The following DLEU7 variants were observed in gnomAD, a reference collection of about 807,000 sequenced individuals.
DLEU7 encodes the protein deleted in lymphocytic leukemia 7.
In DLEU7, 17 loss-of-function variants were observed where a neutral mutation model predicts 16.0. That is an observed-to-expected ratio of 1.06 (90% CI 0.73 to 1.59). DLEU7 has a LOEUF of 1.59. Among genes scored for constraint, DLEU7 ranks in the 40% most tolerant of loss-of-function variants. The pLI, the probability that DLEU7 is intolerant of heterozygous loss-of-function variation, is 0.00. For missense variants in DLEU7, 308 were observed against 314.9 expected (o/e 0.98, Z 0.17); for synonymous variants, 113 against 139.8 (o/e 0.81, Z 1.35).
intron 1 of DLEU7, among the ~76,000 whole-genome samples, chr13:50,737,417 T>C (rs1319543544): frequency 6.6e-6 from 1 of 152,222 alleles, no homozygotes; most frequent in East Asian, 1.9e-4. Flanking sequence ...TTTACAAATT[T>C]AAGGTTTGTG....
At chr13:50,722,543 A>C (rs1023779700) in intron 1 of DLEU7, among the ~76,000 whole-genome samples, 5 of 152,246 alleles carry the variant, frequency 3.3e-5, no homozygotes, top group African/African-American at 1.2e-4. Context: ...TAAATTAAAA[A>C]AATTCACAAA....
intron 1 of DLEU7, among the ~76,000 whole-genome samples, chr13:50,758,190 T>C (rs915479548): frequency 1.3e-5 from 2 of 152,034 alleles, no homozygotes; most frequent in African/African-American, 4.8e-5. Flanking sequence ...TTAACCATAA[T>C]TGGAGCAAGC....
At chr13:50,756,748 T>C (rs1593544441) in intron 1 of DLEU7, among the ~76,000 whole-genome samples, 1 of 152,150 alleles carries the variant, frequency 6.6e-6, no homozygotes, top group African/African-American at 2.4e-5. Flanking sequence ...TCTTTCTGGG[T>C]TCAAATTTTT....
chr13:50,793,035 C>T (rs1377732123), intron 1 of DLEU7, among the ~76,000 whole-genome samples: 2 of 152,040 alleles, frequency 1.3e-5, no homozygotes, highest in Non-Finnish European at 2.9e-5. Context: ...TCCCTTCTTC[C>T]CATTTCTAGT....
At position 50,789,867 on chromosome 13, in the gene DLEU7, A is replaced by G. The variant is rs909732224; in HGVS notation, c.459+53321T>C. On this transcript the variant is annotated intron_variant, in intron 1 of 1. Transcript: ENST00000400393. ...TTAAGGTCTGATCAGGTAAACTGAA[A>G]CTAAACAGCAAGTCTTTCCACAAGT... Among the ~76,000 whole-genome samples, 65 of 152,126 alleles carry G rather than the reference A, an allele frequency of 4.3e-4. 1 individual carries two copies. Among genetic ancestry groups the G allele is most frequent in the Non-Finnish European group, 7.9e-4 (54 of 68,000 alleles).
intron 1 of DLEU7, among the ~76,000 whole-genome samples, chr13:50,801,865 T>G (rs1399894822): frequency 1.3e-5 from 2 of 152,116 alleles, no homozygotes; most frequent in East Asian, 3.9e-4. Context: ...ATTATTACCT[T>G]TTAAATGCCT....
chr13:50,764,229 A>C (rs1875032356), intron 1 of DLEU7, among the ~76,000 whole-genome samples: 1 of 152,260 alleles, frequency 6.6e-6, no homozygotes, highest in Non-Finnish European at 1.5e-5. Flanking sequence ...TTAAAGAGTT[A>C]ACACATTACA....
rs111693709 is a variant in DLEU7 at position 50,761,385 on chromosome 13, A to C, written c.460-48145T>G. ...GATTTGAGTGATCTGAATTTTATCA[A>C]AAGGGGTGGAGTGGAACAGTTAGGG... On this transcript the variant is annotated intron_variant, in intron 1 of 1. Coordinates refer to the DLEU7 transcript ENST00000400393. Among the ~76,000 whole-genome samples, 380 of 151,978 alleles carry C rather than the reference A, an allele frequency of 2.5e-3. 2 individuals are homozygous for C. Among genetic ancestry groups the C allele is most frequent in the Non-Finnish European group, 5.0e-3 (339 of 67,956 alleles).
chr13:50,780,498 CAG>C (rs1237936455), intron 1 of DLEU7, among the ~76,000 whole-genome samples: 1 of 152,188 alleles, frequency 6.6e-6, no homozygotes, highest in Non-Finnish European at 1.5e-5. Flanking sequence ...ATGTGGGAAT[CAG>C]ATTACAGCTA....
At chr13:50,805,234 G>A (rs1170246561) in intron 1 of DLEU7, among the ~76,000 whole-genome samples, 2 of 152,084 alleles carry the variant, frequency 1.3e-5, no homozygotes, top group South Asian at 4.1e-4. Flanking sequence ...TTTATTGACA[G>A]TTTTGTTTTG....
chr13:50,799,317 G>A lies in DLEU7; in HGVS notation c.459+43871C>T, dbSNP rs200345756. Among the ~76,000 whole-genome samples the A allele has an allele frequency of 1.7e-4, 26 of 152,256 alleles. No individual in the cohort carries two copies. In the East Asian group the frequency reaches 4.2e-3, roughly 25 times the overall value. ...GATACAATCCTCAGCAGAAATGGCC[G>A]TGTAAAACACCCTTGCCTTGTTCCT... On this transcript the variant is annotated intron_variant, in intron 1 of 1. Coordinates refer to the DLEU7 transcript ENST00000400393.
intron 1 of DLEU7, among the ~76,000 whole-genome samples, chr13:50,774,425 A>T (rs1875432529): frequency 6.6e-6 from 1 of 152,160 alleles, no homozygotes. Context: ...CATGATTTTA[A>T]AGATATTTTT....
intron 1 of DLEU7, chr13:50,723,356 C>A (rs528253578): frequency 6.3e-4 from 96 of 151,982 alleles, no homozygotes; most frequent in African/African-American, 2.2e-3. Flanking sequence ...ACATTATGGA[C>A]CTCTATATCT....
chr13:50,786,171 T>C (rs1054640902), intron 1 of DLEU7, among the ~76,000 whole-genome samples: 7 of 152,182 alleles, frequency 4.6e-5, no homozygotes, highest in Admixed American at 3.3e-4. Flanking sequence ...TCTTGGACTT[T>C]ACATGGGCCT....
At chr13:50,766,849 T>C (rs887872397) in intron 1 of DLEU7, among the ~76,000 whole-genome samples, 3 of 139,950 alleles carry the variant, frequency 2.1e-5, no homozygotes, top group African/African-American at 7.8e-5. Flanking sequence ...GTGCTGTACA[T>C]ACAGAACCCT....
intron 1 of DLEU7, among the ~76,000 whole-genome samples, chr13:50,732,797 C>T (rs1873953014): frequency 6.6e-6 from 1 of 151,962 alleles, no homozygotes; most frequent in South Asian, 2.1e-4. Flanking sequence ...CTAACACTTC[C>T]CAAGCCTTTG....
upstream of DLEU7, chr13:50,843,847 A>G (rs1236414226): frequency 9.2e-6 from 6 of 651,776 alleles, no homozygotes; most frequent in Non-Finnish European, 1.4e-5. This position sits in a 1 kb window ranked among gnomAD's most constrained non-coding sequence, Gnocchi z 5.7. Context: ...AGTCCGAATC[A>G]GGCGTGTTCT....
At chr13:50,812,093 G>T (rs1029018331) in intron 1 of DLEU7, among the ~76,000 whole-genome samples, 17 of 144,162 alleles carry the variant, frequency 1.2e-4, no homozygotes, top group African/African-American at 4.1e-4. Flanking sequence ...AAAAAAATCT[G>T]TAAGATGAAG....
At chr13:50,815,109 T>G (rs978810078) in intron 1 of DLEU7, among the ~76,000 whole-genome samples, 1 of 152,184 alleles carries the variant, frequency 6.6e-6, no homozygotes, top group Non-Finnish European at 1.5e-5. Context: ...GACACAGGTT[T>G]GCTAAGAGTC....
Sources: allele counts gnomAD v4.1 joint callset (sites outside exome capture counted in the v4.1 genomes callset), GRCh38; gene constraint gnomAD v4.1.1; non-coding constraint Gnocchi (gnomAD v3.1); transcripts MANE v1.5; gene names NCBI Gene and HGNC (gene_info 2026-07-23, HGNC 2026-07-21).